LRRTM4: variants seen among roughly 807,000 people sequenced by gnomAD.
LRRTM4 encodes the protein leucine rich repeat transmembrane neuronal 4.
LRRTM4 carries 25 observed loss-of-function variants against 47.6 expected under a neutral mutation model. The ratio of observed to expected loss-of-function variants is 0.53; its 90% CI spans 0.38 to 0.73. The LOEUF is 0.73. Among genes scored for constraint, LRRTM4 ranks in the 30% least tolerant of loss-of-function variants. The pLI is 0.00. For missense variants in LRRTM4, 638 were observed against 713.4 expected, an observed-to-expected ratio of 0.89 and a Z score of 1.20; for synonymous variants, 311 against 269.5, an observed-to-expected ratio of 1.15 and a Z score of -1.51.
intron 3 of LRRTM4, among the ~76,000 whole-genome samples, chr2:77,394,635 A>G (rs1469770407): frequency 1.3e-5 from 2 of 151,992 alleles, no homozygotes; most frequent in Non-Finnish European, 1.5e-5. Context: ...AACAAGTTAC[A>G]GGAGGAGCCG....
intron 3 of LRRTM4, among the ~76,000 whole-genome samples, chr2:77,024,780 G>A (rs1027834919): frequency 9.9e-5 from 15 of 152,038 alleles, no homozygotes; most frequent in Non-Finnish European, 1.5e-4. Flanking sequence ...TATATAGTAG[G>A]AATTCTATTA....
At chr2:77,337,350 T>TA (rs944147727) in intron 3 of LRRTM4, among the ~76,000 whole-genome samples, 6 of 152,090 alleles carry the variant, frequency 3.9e-5, no homozygotes, top group Admixed American at 3.3e-4. Flanking sequence ...TGTCATTTTT[T>TA]AACAGAATTA....
intron 3 of LRRTM4, among the ~76,000 whole-genome samples, chr2:77,319,233 A>G (rs770283937): frequency 6.6e-6 from 1 of 152,042 alleles, no homozygotes; most frequent in Non-Finnish European, 1.5e-5. Flanking sequence ...TAAAAATACA[A>G]AAAATCAGCT....
At chr2:77,506,822 G>C (rs1028509102) in intron 3 of LRRTM4, among the ~76,000 whole-genome samples, 2 of 151,848 alleles carry the variant, frequency 1.3e-5, no homozygotes, top group African/African-American at 4.8e-5. Flanking sequence ...AAAAAGGGAG[G>C]CATAAGTAAA....
chr2:76,833,824 A>G (rs1295555562), intron 3 of LRRTM4, among the ~76,000 whole-genome samples: 1 of 151,720 alleles, frequency 6.6e-6, no homozygotes, highest in Non-Finnish European at 1.5e-5. Context: ...ATATTTTAAT[A>G]TGCATGTACC....
At chr2:77,041,877 G>GA (rs1176637496) in intron 3 of LRRTM4, among the ~76,000 whole-genome samples, 5 of 149,106 alleles carry the variant, frequency 3.4e-5, no homozygotes, top group Admixed American at 2.0e-4. Flanking sequence ...TCTGAATATT[G>GA]AAACAATTCT....
At chr2:77,000,864 C>G (rs1285371525) in intron 3 of LRRTM4, among the ~76,000 whole-genome samples, 1 of 152,040 alleles carries the variant, frequency 6.6e-6, no homozygotes, top group Non-Finnish European at 1.5e-5. Context: ...AGGGACCTTT[C>G]ACATAGCAAC....
At chr2:77,044,797 T>C (rs1384005792) in intron 3 of LRRTM4, among the ~76,000 whole-genome samples, 3 of 151,660 alleles carry the variant, frequency 2.0e-5, no homozygotes, top group Non-Finnish European at 2.9e-5. Flanking sequence ...TACAGGTGTA[T>C]AAATTATGTG....
chr2:77,016,755 A>ACT (rs1336762410), intron 3 of LRRTM4, among the ~76,000 whole-genome samples: 1 of 152,132 alleles, frequency 6.6e-6, no homozygotes, highest in East Asian at 1.9e-4. Flanking sequence ...TTAGAATTAC[A>ACT]CTTTCTATTT....
intron 3 of LRRTM4, among the ~76,000 whole-genome samples, chr2:77,093,613 A>G (rs563447291): frequency 1.3e-5 from 2 of 151,936 alleles, no homozygotes; most frequent in East Asian, 1.9e-4. Context: ...TCGCTGCCCC[A>G]ACACTTCAAC....
chr2:77,111,872 A>G (rs1041625460), intron 3 of LRRTM4, among the ~76,000 whole-genome samples: 1 of 152,202 alleles, frequency 6.6e-6, no homozygotes, highest in Non-Finnish European at 1.5e-5. Context: ...AATCTATGGT[A>G]AGAACAAACT....
chr2:77,011,320 A>G (rs1197725821), intron 3 of LRRTM4, among the ~76,000 whole-genome samples: 1 of 152,112 alleles, frequency 6.6e-6, no homozygotes, highest in African/African-American at 2.4e-5. Flanking sequence ...CTTAATTCAG[A>G]CTAGTTGCAT....
intron 3 of LRRTM4, among the ~76,000 whole-genome samples, chr2:77,186,105 C>A (rs1484347535): frequency 6.6e-6 from 1 of 152,140 alleles, no homozygotes; most frequent in Non-Finnish European, 1.5e-5. Flanking sequence ...TCTTTAATAT[C>A]ATATCCACTT....
chr2:77,482,546 G>A (rs773672029), intron 3 of LRRTM4, among the ~76,000 whole-genome samples: 1 of 151,914 alleles, frequency 6.6e-6, no homozygotes, highest in Non-Finnish European at 1.5e-5. Flanking sequence ...GATACAGAAA[G>A]GAAGAGAATT....
intron 3 of LRRTM4, among the ~76,000 whole-genome samples, chr2:77,183,173 G>T (rs1327575494): frequency 5.9e-5 from 9 of 152,086 alleles, no homozygotes; most frequent in Non-Finnish European, 1.2e-4. Flanking sequence ...GAAAATTTTT[G>T]CAATCTACTC....
chr2:76,985,355 C>T (rs1418755960), intron 3 of LRRTM4, among the ~76,000 whole-genome samples: 2 of 151,938 alleles, frequency 1.3e-5, no homozygotes, highest in Admixed American at 1.3e-4. Flanking sequence ...GTAAAAAGAA[C>T]GATTCACAGA....
At chr2:77,040,969 T>C (rs1679009167) in intron 3 of LRRTM4, among the ~76,000 whole-genome samples, 1 of 151,424 alleles carries the variant, frequency 6.6e-6, no homozygotes, top group African/African-American at 2.4e-5. Flanking sequence ...TATTTTGAAA[T>C]ACACATTATT....
At chr2:77,221,916 C>G (rs1248403615) in intron 3 of LRRTM4, among the ~76,000 whole-genome samples, 5 of 152,120 alleles carry the variant, frequency 3.3e-5, no homozygotes, top group Non-Finnish European at 7.3e-5. Context: ...CTTTTCAGCA[C>G]CACACCACAC....
Position 77,077,533 on chromosome 2 carries a change from C to T in LRRTM4, c.1552-328617G>A, listed in dbSNP as rs550900002. On this transcript the variant is annotated intron_variant, in intron 3 of 3. Transcript: ENST00000409884. ...AAAGTCATTAGAACTGCCTGTAGAG[C>T]ATGGTGGAAAACCCAGTTCATTGGA... Among the ~76,000 whole-genome samples the T allele has an allele frequency of 7.2e-5, 11 of 152,226 alleles. No homozygotes were observed. The South Asian group carries it at 2.3e-3, about 32-fold the overall frequency.
Sources: gnomAD v4.1 joint callset for allele counts (sites outside exome capture counted in the v4.1 genomes callset) on GRCh38, gnomAD v4.1.1 for gene constraint, MANE v1.5 for transcripts, NCBI Gene and HGNC (gene_info 2026-07-23, HGNC 2026-07-21) for gene names.